The following CC2D2A variants were observed in gnomAD, a reference collection of about 807,000 sequenced individuals.
CC2D2A encodes coiled-coil and C2 domain-containing protein 2A.
A neutral mutation model predicts 212.9 loss-of-function variants in CC2D2A; 155 were observed. That is an observed-to-expected ratio of 0.73 (90% CI 0.64 to 0.83). CC2D2A has a LOEUF of 0.83. CC2D2A is among the 40% of genes least tolerant of loss of function. CC2D2A has a pLI of 0.00. For synonymous variants in CC2D2A, 667 were observed against 686.5 expected (o/e 0.97, Z 0.44); for missense variants, 1,856 against 1,956.2 (o/e 0.95, Z 0.97).
At chr4:15,474,399 G>T (rs1714032415) in intron 1 of CC2D2A, among the ~76,000 whole-genome samples, 1 of 151,982 alleles carries the variant, frequency 6.6e-6, no homozygotes, top group Non-Finnish European at 1.5e-5. Context: ...CAAAATAATT[G>T]AACTCATGGA....
intron 35 of CC2D2A, 77 bp downstream of exon 35, chr4:15,597,542 G>A: frequency 9.0e-7 from 1 of 1,115,396 alleles, no homozygotes; most frequent in East Asian, 2.6e-5. Context: ...CTGTCAGCCT[G>A]GATGAATGTG....
At position 15,516,699 on chromosome 4, in the gene CC2D2A, G is replaced by T. The variant is rs774216288; in HGVS notation, c.1092G>T (p.Pro364=). ...PNPIKPFPSR[P]PVLTQEQSIK... ...CCATCAAGCCATTTCCTTCAAGGCC[G>T]CCAGTACTAACACAGGAGCAGAGCA... The change falls in exon 11 of 37, where the codon CCG becomes CCT. Residue 364 remains proline (P), a synonymous_variant. Coordinates refer to ENST00000424120, the MANE Select transcript of CC2D2A (RefSeq NM_001378615.1). 3.7e-6 allele frequency: 6 copies of T among 1,613,200 alleles called. No homozygotes were observed. The highest frequency in any genetic ancestry group is 5.1e-6 in the Non-Finnish European group (6 of 1,179,542).
At chr4:15,531,768 T>G (rs1207268798) in intron 13 of CC2D2A, among the ~76,000 whole-genome samples, 1 of 152,142 alleles carries the variant, frequency 6.6e-6, no homozygotes, top group Non-Finnish European at 1.5e-5. Flanking sequence ...GAAACTATCT[T>G]TTTTTTAGAT....
At chr4:15,488,646 A>G (rs1440761816) in intron 4 of CC2D2A, among the ~76,000 whole-genome samples, 2 of 152,124 alleles carry the variant, frequency 1.3e-5, no homozygotes, top group East Asian at 3.9e-4. Flanking sequence ...TTTACTTCCC[A>G]AACTTCTCAT....
chr4:15,483,881 G>A (rs1156945704), intron 4 of CC2D2A, among the ~76,000 whole-genome samples: 2 of 152,140 alleles, frequency 1.3e-5, no homozygotes, highest in Non-Finnish European at 2.9e-5. Context: ...AAACACAATT[G>A]AGCTGTTGCA....
chr4:15,568,592 TA>T (rs1329008810), intron 26 of CC2D2A, among the ~76,000 whole-genome samples: 1 of 152,126 alleles, frequency 6.6e-6, no homozygotes, highest in Non-Finnish European at 1.5e-5. Flanking sequence ...TGTCTCAAAA[TA>T]AATACATAAA....
At chr4:15,492,025 T>C (rs1715330462) in intron 4 of CC2D2A, among the ~76,000 whole-genome samples, 1 of 152,218 alleles carries the variant, frequency 6.6e-6, no homozygotes, top group Non-Finnish European at 1.5e-5. Flanking sequence ...CTCTTACGTT[T>C]CTCTAGATCT....
chr4:15,493,686 A>G (rs6449142), intron 4 of CC2D2A, among the ~76,000 whole-genome samples: 52,632 of 151,948 alleles, frequency 0.35, 9,830 homozygotes, highest in African/African-American at 0.49. Flanking sequence ...TACAGAACTT[A>G]TTTGTGGTCT....
At chr4:15,571,606 C>CAAAA (rs11393258) in intron 28 of CC2D2A, among the ~76,000 whole-genome samples, 2 of 142,492 alleles carry the variant, frequency 1.4e-5, no homozygotes, top group Non-Finnish European at 3.0e-5. Context: ...CCGTTTAAAC[C>CAAAA]AAAAAAAAAA....
chr4:15,515,674 T>C (rs1716826520), intron 9 of CC2D2A, among the ~76,000 whole-genome samples, 194 bp from the exon 10 acceptor site: 1 of 152,204 alleles, frequency 6.6e-6, no homozygotes, highest in South Asian at 2.1e-4. Context: ...TTTCTTTAAA[T>C]ACCTGATTCT....
At chr4:15,597,223 G>T (rs954526053) in intron 34 of CC2D2A, among the ~76,000 whole-genome samples, 184 bp from the exon 35 acceptor site, 1 of 152,178 alleles carries the variant, frequency 6.6e-6, no homozygotes, top group African/African-American at 2.4e-5. Context: ...GAAGAAAAAT[G>T]AAATTGGGAA....
In CC2D2A at chr4:15,569,320, C is replaced by T. The variant is rs1196435663; in HGVS notation, c.3426C>T (p.Ala1142=). ...CTCCTAATGGAGATTATAGCACAGCCAGTCTGCAGTCAGTGAAAGATGTTG... is the reference window on the plus strand; with the variant it reads ...CTCCTAATGGAGATTATAGCACAGCTAGTCTGCAGTCAGTGAAAGATGTTG... ...FRAPNGDYST[A]SLQSVKDVVF... The change falls in exon 27 of 37, where the codon GCC becomes GCT. Residue 1142 remains alanine, a synonymous_variant. Transcript: ENST00000424120. The T allele has an allele frequency of 1.9e-6, 3 of 1,581,836 alleles. No individual in the cohort carries two copies. Among genetic ancestry groups the T allele is most frequent in the Non-Finnish European group, 1.7e-6 (2 of 1,162,056 alleles).
At chr4:15,579,922 T>C in intron 29 of CC2D2A, 46 bp from the exon 30 acceptor site, 1 of 1,479,128 alleles carries the variant, frequency 6.8e-7, no homozygotes. Context: ...ACGTACTTTC[T>C]CTCTTGTAAT....
intron 33 of CC2D2A, among the ~76,000 whole-genome samples, chr4:15,591,681 T>C (rs1721116681): frequency 6.6e-6 from 1 of 152,206 alleles, no homozygotes; most frequent in Admixed American, 6.5e-5. Flanking sequence ...ATGTTAATTA[T>C]TATTTTTAAT....
intron 4 of CC2D2A, among the ~76,000 whole-genome samples, chr4:15,494,195 G>C (rs1715478258): frequency 6.6e-6 from 1 of 152,174 alleles, no homozygotes; most frequent in Non-Finnish European, 1.5e-5. Context: ...AACAGCATGA[G>C]AGCACCGAGT....
At position 15,510,192 on chromosome 4, in the gene CC2D2A, A is replaced by G; in HGVS notation, c.492A>G (p.Ser164=). The part of the protein sequence containing the change: ...TQQEVDSQSY[S]RVKFHDSARK... ...AAGAAGTTGACTCCCAAAGTTACTC[A>G]AGAGTCAAGTTCCATGATTCTGCAC... The change falls in exon 7 of 37, where the codon TCA becomes TCG. Residue 164 remains serine, a synonymous_variant. Transcript: ENST00000424120. 6.2e-7 allele frequency: 1 copy of G among 1,613,780 alleles called. No homozygotes were observed. The highest frequency in any genetic ancestry group is 8.5e-7 in the Non-Finnish European group (1 of 1,179,796).
At chr4:15,560,436 C>A in intron 22 of CC2D2A, 95 bp from the exon 23 acceptor site, 1 of 632,710 alleles carries the variant, frequency 1.6e-6, no homozygotes, top group Non-Finnish European at 2.8e-6. Flanking sequence ...ACTGGGGGGA[C>A]ACTGAGATGA....
chr4:15,484,100 CT>C (rs1714861971), intron 4 of CC2D2A, among the ~76,000 whole-genome samples: 1 of 152,100 alleles, frequency 6.6e-6, no homozygotes, highest in Non-Finnish European at 1.5e-5. Flanking sequence ...ATGAAGTAAA[CT>C]AGATAAACAT....
In CC2D2A at chr4:15,586,212, T is replaced by G; in HGVS notation, c.4031T>G (p.Phe1344Cys). 3 of 1,608,848 alleles carry G rather than the reference T, an allele frequency of 1.9e-6. No homozygotes were observed. In the South Asian group the frequency reaches 3.3e-5, roughly 18 times the overall value. The part of the protein sequence containing the change: ...LIPFLPDTVS[F>C]GGICDLWSTS... ...CCCTTCTTGCCTGACACTGTCTCAT[T>G]TGGTGGTATCTGTGACCTCTGGAGC... Residue 1344 changes from phenylalanine to cysteine, a missense_variant, in exon 31 of 37, where the codon TTT becomes TGT. Transcript: ENST00000424120.
Sources: allele counts gnomAD v4.1 joint callset (sites outside exome capture counted in the v4.1 genomes callset), GRCh38; gene constraint gnomAD v4.1.1; transcripts MANE v1.5; gene names NCBI Gene and HGNC (gene_info 2026-07-23, HGNC 2026-07-21).